PCDHA12: variants seen among roughly 807,000 people sequenced by gnomAD.
PCDHA12 encodes protocadherin alpha-12.
Under a neutral mutation model 60.0 loss-of-function variants are expected in PCDHA12, and 44 were observed. The ratio of observed to expected loss-of-function variants is 0.73; its 90% CI spans 0.58 to 0.94. The LOEUF is 0.94. Ranked by LOEUF, PCDHA12 falls within the 40% of genes least tolerant of loss-of-function variation. PCDHA12 has a pLI of 0.00. For synonymous variants in PCDHA12, 569 were observed against 553.0 expected, an observed-to-expected ratio of 1.03 and a Z score of -0.40; for missense variants, 1,276 against 1,239.7, an observed-to-expected ratio of 1.03 and a Z score of -0.44.
chr5:140,929,665 AGAAT>A (rs2086286980), intron 1 of PCDHA12: 2 of 332,822 alleles, frequency 6.0e-6, no homozygotes, highest in East Asian at 1.0e-4. Flanking sequence ...TTTAAAGTGA[AGAAT>A]GAAAAATATG....
At chr5:140,896,657 A>G (rs1554187043) in intron 1 of PCDHA12, among the ~76,000 whole-genome samples, 1 of 152,010 alleles carries the variant, frequency 6.6e-6, no homozygotes, top group East Asian at 1.9e-4. Flanking sequence ...TATTACAGGC[A>G]TGAGTCACTG....
chr5:140,985,084 T>A (rs2097135513), intron 3 of PCDHA12, among the ~76,000 whole-genome samples: 1 of 151,986 alleles, frequency 6.6e-6, no homozygotes. Context: ...ACTACAGGCG[T>A]GTGCCACCAA....
At chr5:140,973,107 G>A (rs2096572271) in intron 1 of PCDHA12, among the ~76,000 whole-genome samples, 1 of 152,192 alleles carries the variant, frequency 6.6e-6, no homozygotes, top group South Asian at 2.1e-4. Flanking sequence ...TTATGAAAGA[G>A]TAGCAGAGAT....
intron 1 of PCDHA12, among the ~76,000 whole-genome samples, chr5:140,972,152 A>T (rs1481801555): frequency 6.6e-6 from 1 of 151,770 alleles, no homozygotes; most frequent in African/African-American, 2.4e-5. Context: ...TTTTATTTTT[A>T]TTTTTTTGAG....
intron 1 of PCDHA12, among the ~76,000 whole-genome samples, chr5:140,946,263 G>T (rs1168857420): frequency 6.6e-6 from 1 of 151,750 alleles, no homozygotes; most frequent in East Asian, 1.9e-4. Flanking sequence ...AGAAAAATGC[G>T]AATTAAAACC....
chr5:140,928,835 C>G (rs782027566), intron 1 of PCDHA12: 1 of 1,614,036 alleles, frequency 6.2e-7, no homozygotes, highest in African/African-American at 1.3e-5. Context: ...CCACTTTCCT[C>G]CTCTGTCACT....
At chr5:140,908,804 T>C (rs1157142483) in intron 1 of PCDHA12, among the ~76,000 whole-genome samples, 2 of 152,162 alleles carry the variant, frequency 1.3e-5, no homozygotes, top group African/African-American at 4.8e-5. Context: ...CATTAAAAAG[T>C]GAGAGCCTTT....
At chr5:140,984,790 G>A (rs2097121430) in intron 3 of PCDHA12, among the ~76,000 whole-genome samples, 1 of 152,104 alleles carries the variant, frequency 6.6e-6, no homozygotes, top group Admixed American at 6.5e-5. Flanking sequence ...GGTGAGCATA[G>A]ACAAACTGCC....
intron 1 of PCDHA12, among the ~76,000 whole-genome samples, chr5:140,907,449 A>G (rs1554192997): frequency 6.6e-6 from 1 of 152,232 alleles, no homozygotes; most frequent in Admixed American, 6.5e-5. Flanking sequence ...ACAGATGGTA[A>G]TCTTGGCAGA....
intron 1 of PCDHA12, chr5:140,967,123 C>A (rs1554229191): frequency 4.3e-6 from 7 of 1,612,606 alleles, no homozygotes; most frequent in African/African-American, 2.7e-5. Context: ...GCTGCCTGCT[C>A]AGCTTGGAAG....
In PCDHA12 at chr5:140,875,577, C is replaced by G; in HGVS notation, c.105C>G (p.Val35=). ...GGAGCGGCCAGCTCCACTACTCCGTCTACGAGGAGGCCAAACACGGCACCT... is the reference window on the plus strand; with the variant it reads ...GGAGCGGCCAGCTCCACTACTCCGTGTACGAGGAGGCCAAACACGGCACCT... ...EVGSGQLHYS[V]YEEAKHGTFV... The change falls in exon 1 of 4, where the codon GTC becomes GTG. Residue 35 remains valine (V), a synonymous_variant. Coordinates refer to ENST00000398631, the MANE Select transcript of PCDHA12 (RefSeq NM_018903.4). 1 of 1,614,082 alleles carries G rather than the reference C, an allele frequency of 6.2e-7. No homozygotes were observed. The highest frequency in any genetic ancestry group is 8.5e-7 in the Non-Finnish European group (1 of 1,180,044).
chr5:140,932,021 GT>G (rs1387709791), intron 1 of PCDHA12, among the ~76,000 whole-genome samples: 11 of 151,964 alleles, frequency 7.2e-5, no homozygotes, highest in African/African-American at 2.6e-4. Flanking sequence ...TTTACGGTAA[GT>G]TTACAGTATA....
At chr5:140,931,539 T>C (rs1339633476) in intron 1 of PCDHA12, among the ~76,000 whole-genome samples, 1 of 152,056 alleles carries the variant, frequency 6.6e-6, no homozygotes, top group Non-Finnish European at 1.5e-5. Context: ...AGAGATATAC[T>C]GTTCATATGT....
intron 1 of PCDHA12, chr5:140,883,985 G>A (rs782534317): frequency 1.2e-6 from 2 of 1,612,814 alleles, no homozygotes; most frequent in Admixed American, 1.7e-5. Context: ...GGCTGGCAGC[G>A]CGGGAGGCAC....
chr5:140,921,471 A>G (rs2080231314), intron 1 of PCDHA12, among the ~76,000 whole-genome samples: 1 of 152,182 alleles, frequency 6.6e-6, no homozygotes, highest in Non-Finnish European at 1.5e-5. Context: ...ACCACTACCA[A>G]ACCACTCTAC....
intron 1 of PCDHA12, among the ~76,000 whole-genome samples, chr5:140,923,449 G>A (rs189150090): frequency 6.6e-6 from 1 of 152,166 alleles, no homozygotes; most frequent in African/African-American, 2.4e-5. Flanking sequence ...GATCACCTGA[G>A]CCCAGAGAGG....
Position 140,967,580 on chromosome 5 carries a change from C to T in PCDHA12, c.2368-11369C>T, listed in dbSNP as rs201304400. 42 of 1,614,122 alleles carry T rather than the reference C, an allele frequency of 2.6e-5. No homozygotes were observed. The East Asian group carries it at 4.7e-4, about 18-fold the overall frequency. ...CGTCCAGCTACGGGAGGACTCACCC[C>T]CAGGCACATTGGTGGTGAAGCTGAA... On this transcript the variant is annotated intron_variant, in intron 1 of 3. Transcript: ENST00000398631.
intron 1 of PCDHA12, among the ~76,000 whole-genome samples, chr5:140,911,178 G>A (rs1227283843): frequency 1.3e-5 from 2 of 152,196 alleles, no homozygotes; most frequent in Non-Finnish European, 2.9e-5. Flanking sequence ...TGATGGCAGT[G>A]TGGGTTGGGG....
intron 1 of PCDHA12, among the ~76,000 whole-genome samples, chr5:140,921,651 C>T (rs155817): frequency 0.33 from 49,637 of 151,902 alleles, 8,394 homozygotes; most frequent in East Asian, 0.53. Context: ...TTTAAGGGAA[C>T]TTAATAAAAA....
Sources: gnomAD v4.1 joint callset for allele counts (sites outside exome capture counted in the v4.1 genomes callset) on GRCh38, gnomAD v4.1.1 for gene constraint, MANE v1.5 for transcripts, NCBI Gene and HGNC (gene_info 2026-07-23, HGNC 2026-07-21) for gene names.